NPAS3: variants seen among roughly 807,000 people sequenced by gnomAD.
NPAS3 encodes the protein neuronal PAS domain-containing protein 3.
Under a neutral mutation model 73.1 loss-of-function variants are expected in NPAS3, and 14 were observed. The ratio of observed to expected loss-of-function variants is 0.19; its 90% CI spans 0.13 to 0.30. The LOEUF is 0.30. Among genes scored for constraint, NPAS3 ranks in the 10% least tolerant of loss-of-function variants. The pLI is 1.00. For synonymous variants in NPAS3, 620 were observed against 541.5 expected (o/e 1.14, Z -2.01); for missense variants, 1,096 against 1,250.0 (o/e 0.88, Z 1.86).
intron 2 of NPAS3, among the ~76,000 whole-genome samples, chr14:33,152,152 A>G (rs1343858775): frequency 6.6e-6 from 1 of 152,046 alleles, no homozygotes; most frequent in African/African-American, 2.4e-5. Flanking sequence ...AACATCCTAC[A>G]GTGCGCAGGA....
At chr14:33,246,446 G>A (rs1024314733) in intron 3 of NPAS3, among the ~76,000 whole-genome samples, 1 of 150,730 alleles carries the variant, frequency 6.6e-6, no homozygotes, top group Non-Finnish European at 1.5e-5. Context: ...GGCTGAGGCA[G>A]GAGAATGGCG....
chr14:33,416,437 CT>C (rs550496090), intron 4 of NPAS3, among the ~76,000 whole-genome samples: 8 of 151,010 alleles, frequency 5.3e-5, no homozygotes, highest in African/African-American at 1.2e-4. Context: ...TAAGGGGTTT[CT>C]TTTTTTTTCT....
intron 3 of NPAS3, among the ~76,000 whole-genome samples, chr14:33,314,916 A>G (rs2043147498): frequency 1.3e-5 from 2 of 152,122 alleles, no homozygotes; most frequent in Admixed American, 1.3e-4. Context: ...AAAGACTGAT[A>G]AAAAATAGAA....
intron 9 of NPAS3, chr14:33,780,802 A>T (rs2062956248): frequency 3.1e-6 from 1 of 317,470 alleles, no homozygotes; most frequent in African/African-American, 2.2e-5. Flanking sequence ...TCCACCATTC[A>T]CTATTGTGCT....
chr14:33,349,418 G>C (rs1034249704), intron 3 of NPAS3, among the ~76,000 whole-genome samples: 1 of 152,128 alleles, frequency 6.6e-6, no homozygotes, highest in Non-Finnish European at 1.5e-5. Flanking sequence ...AGACCTGGTT[G>C]ACCGTATTTT....
intron 4 of NPAS3, among the ~76,000 whole-genome samples, chr14:33,465,409 A>G (rs1049360736): frequency 2.0e-5 from 3 of 152,222 alleles, no homozygotes; most frequent in Non-Finnish European, 4.4e-5. Context: ...AGCAGTTCAC[A>G]GTAAGATCAG....
chr14:33,664,928 C>T (rs921023880), intron 5 of NPAS3, among the ~76,000 whole-genome samples: 7 of 152,166 alleles, frequency 4.6e-5, no homozygotes, highest in Admixed American at 6.5e-5. Flanking sequence ...ACTCGTTCAA[C>T]CATTGTGGAA....
intron 7 of NPAS3, among the ~76,000 whole-genome samples, chr14:33,750,698 C>G (rs2061939647): frequency 6.6e-6 from 1 of 152,144 alleles, no homozygotes; most frequent in Non-Finnish European, 1.5e-5. Context: ...GTGGTCAATA[C>G]TGATTGTGTA....
At chr14:33,565,476 C>T (rs970032076) in intron 5 of NPAS3, among the ~76,000 whole-genome samples, 21 of 152,190 alleles carry the variant, frequency 1.4e-4, no homozygotes, top group Admixed American at 3.9e-4. Flanking sequence ...GCTTTGCAAC[C>T]GCCATGTCTT....
At chr14:32,945,695 A>G (rs933121614) in intron 1 of NPAS3, among the ~76,000 whole-genome samples, 1 of 152,234 alleles carries the variant, frequency 6.6e-6, no homozygotes, top group South Asian at 2.1e-4. Context: ...CCAGTTCACT[A>G]TGGGTAGTGA....
At chr14:33,445,533 T>C (rs2049446874) in intron 4 of NPAS3, among the ~76,000 whole-genome samples, 1 of 152,214 alleles carries the variant, frequency 6.6e-6, no homozygotes, top group African/African-American at 2.4e-5. Flanking sequence ...TATAACTCTG[T>C]TATACAATTG....
chr14:33,276,848 T>A (rs1029765590), intron 3 of NPAS3, among the ~76,000 whole-genome samples: 1 of 152,166 alleles, frequency 6.6e-6, no homozygotes, highest in East Asian at 1.9e-4. Flanking sequence ...AAATTTTGTT[T>A]CTTCTAAGGT....
At chr14:33,723,779 G>A (rs1291692924) in intron 6 of NPAS3, among the ~76,000 whole-genome samples, 2 of 151,502 alleles carry the variant, frequency 1.3e-5, no homozygotes, top group African/African-American at 2.4e-5. Context: ...TAATGCCATT[G>A]TCTATCAACA....
chr14:33,642,340 C>T (rs1595346452), intron 5 of NPAS3, among the ~76,000 whole-genome samples: 2 of 152,234 alleles, frequency 1.3e-5, no homozygotes, highest in East Asian at 1.9e-4. Flanking sequence ...TTAAGCCAGG[C>T]ATGTTCTAGC....
chr14:33,496,670 C>T (rs1212809685), intron 4 of NPAS3, among the ~76,000 whole-genome samples: 1 of 152,140 alleles, frequency 6.6e-6, no homozygotes, highest in African/African-American at 2.4e-5. Flanking sequence ...TAAAAACTCT[C>T]AATAAACTAG....
At chr14:33,309,191 C>T (rs1044597037) in intron 3 of NPAS3, among the ~76,000 whole-genome samples, 4 of 152,146 alleles carry the variant, frequency 2.6e-5, no homozygotes, top group Admixed American at 2.6e-4. Context: ...CCTCCTTTTC[C>T]TTTTTTATAT....
chr14:33,362,389 T>C (rs1219164930), intron 3 of NPAS3, among the ~76,000 whole-genome samples: 1 of 152,172 alleles, frequency 6.6e-6, no homozygotes, highest in African/African-American at 2.4e-5. Context: ...CCTCATGAAC[T>C]TCTGGGGCTC....
At chr14:32,954,253 A>G (rs1481830197) in intron 1 of NPAS3, among the ~76,000 whole-genome samples, 1 of 152,094 alleles carries the variant, frequency 6.6e-6, no homozygotes, top group African/African-American at 2.4e-5. Flanking sequence ...ATGTTAATGT[A>G]TTCCTGTTCT....
intron 1 of NPAS3, among the ~76,000 whole-genome samples, chr14:32,994,105 G>A (rs2038452876): frequency 6.6e-6 from 1 of 152,182 alleles, no homozygotes; most frequent in Non-Finnish European, 1.5e-5. Flanking sequence ...AGCAGCTGGT[G>A]TTTTCTGGGG....
Sources: gnomAD v4.1 joint callset for allele counts (sites outside exome capture counted in the v4.1 genomes callset) on GRCh38, gnomAD v4.1.1 for gene constraint, MANE v1.5 for transcripts, NCBI Gene and HGNC (gene_info 2026-07-23, HGNC 2026-07-21) for gene names.